Variants in LINGO2 observed in about 807,000 individuals in gnomAD.
LINGO2 encodes the protein leucine rich repeat and Ig domain containing 2.
Under a neutral mutation model 30.6 loss-of-function variants are expected in LINGO2, and 14 were observed. The observed-to-expected ratio is 0.46, with a 90% CI of 0.30 to 0.72. LINGO2 has a LOEUF of 0.72. Among genes scored for constraint, LINGO2 ranks in the 30% least tolerant of loss-of-function variants. LINGO2 has a pLI of 0.07. For synonymous variants in LINGO2, 317 were observed against 288.5 expected (o/e 1.10, Z -1.00); for missense variants, 729 against 751.7 (o/e 0.97, Z 0.35).
In LINGO2 at chr9:28,257,994, C is replaced by T. The variant is rs558137453; in HGVS notation, c.-87+37214G>A. Among the ~76,000 whole-genome samples, 4 of 151,838 alleles carry T rather than the reference C, an allele frequency of 2.6e-5. No individual in the cohort carries two copies. In the South Asian group the frequency reaches 8.3e-4, roughly 32 times the overall value. ...AAAAGCAGTCACATAGGTAAGCAAC[C>T]AAAGCAATACATATTAGAAGCTACA... is the stretch of plus-strand genomic sequence containing the variant. On this transcript the variant is annotated intron_variant, in intron 4 of 5. Transcript: ENST00000379992.
the LINGO2 span, among the ~76,000 whole-genome samples, chr9:28,859,108 C>A: frequency 6.6e-6 from 1 of 152,026 alleles, no homozygotes; most frequent in Non-Finnish European, 1.5e-5. Flanking sequence ...GATCTCTTTA[C>A]ATCTTAGTTG....
chr9:28,924,878 T>C, the LINGO2 span, among the ~76,000 whole-genome samples: 1 of 152,220 alleles, frequency 6.6e-6, no homozygotes, highest in Non-Finnish European at 1.5e-5. Context: ...TTATAGTTCT[T>C]GACTGAAAGC....
chr9:28,272,909 A>C (rs1822991626), intron 4 of LINGO2, among the ~76,000 whole-genome samples: 1 of 151,832 alleles, frequency 6.6e-6, no homozygotes, highest in South Asian at 2.1e-4. Context: ...ATAAAATCCC[A>C]CCCCTGCTTT....
At chr9:29,005,974 A>G in the LINGO2 span, among the ~76,000 whole-genome samples, 1 of 151,954 alleles carries the variant, frequency 6.6e-6, no homozygotes, top group Admixed American at 6.6e-5. Flanking sequence ...GCTGACTGTA[A>G]TCAATTTTAG....
chr9:28,368,487 C>T (rs1244852961), intron 3 of LINGO2, among the ~76,000 whole-genome samples: 1 of 151,942 alleles, frequency 6.6e-6, no homozygotes, highest in Non-Finnish European at 1.5e-5. Flanking sequence ...TATTAAGGGT[C>T]TCATTTTTTC....
the LINGO2 span, among the ~76,000 whole-genome samples, chr9:28,738,632 T>G: frequency 2.0e-5 from 3 of 152,024 alleles, no homozygotes; most frequent in African/African-American, 7.2e-5. Flanking sequence ...ATCTTACCTA[T>G]GAATACAAAA....
At chr9:29,110,292 A>C in the LINGO2 span, among the ~76,000 whole-genome samples, 1 of 152,206 alleles carries the variant, frequency 6.6e-6, no homozygotes. Context: ...TCCTGCCATA[A>C]CTAATTTCCT....
At chr9:28,806,271 A>C in the LINGO2 span, among the ~76,000 whole-genome samples, 44 of 152,226 alleles carry the variant, frequency 2.9e-4, no homozygotes, top group Admixed American at 1.4e-3. Flanking sequence ...ATCTGGCAGC[A>C]TTTAAAAATA....
intron 1 of LINGO2, among the ~76,000 whole-genome samples, chr9:28,510,089 T>G (rs961688403): frequency 6.6e-6 from 1 of 152,220 alleles, no homozygotes; most frequent in Non-Finnish European, 1.5e-5. Context: ...GATTAGGGCT[T>G]GGAAATGTGA....
the LINGO2 span, among the ~76,000 whole-genome samples, chr9:28,873,131 G>A: frequency 6.6e-6 from 1 of 151,948 alleles, no homozygotes; most frequent in African/African-American, 2.4e-5. Context: ...TCCTTTGGGA[G>A]GCCGAGGTGG....
At chr9:29,073,387 A>T in the LINGO2 span, among the ~76,000 whole-genome samples, 14 of 152,270 alleles carry the variant, frequency 9.2e-5, no homozygotes, top group East Asian at 2.3e-3. Context: ...ACTGCCTTTG[A>T]GGTGCCCTTA....
the LINGO2 span, among the ~76,000 whole-genome samples, chr9:28,893,578 CA>C: frequency 7.1e-5 from 2 of 28,024 alleles, no homozygotes; most frequent in Non-Finnish European, 2.4e-4. Flanking sequence ...CAATGGTTAT[CA>C]TTTTTTTTTT....
At chr9:29,056,029 A>G in the LINGO2 span, among the ~76,000 whole-genome samples, 1 of 150,748 alleles carries the variant, frequency 6.6e-6, no homozygotes, top group Non-Finnish European at 1.5e-5. Flanking sequence ...TGGGCATCTG[A>G]GCAGGTTCCA....
intron 1 of LINGO2, among the ~76,000 whole-genome samples, chr9:28,662,510 C>A (rs771701865): frequency 6.6e-6 from 1 of 152,112 alleles, no homozygotes; most frequent in Non-Finnish European, 1.5e-5. Flanking sequence ...TTTTATTCTG[C>A]TGTGACCACA....
intron 4 of LINGO2, among the ~76,000 whole-genome samples, chr9:28,200,410 C>T (rs1168073046): frequency 6.6e-6 from 1 of 152,000 alleles, no homozygotes; most frequent in Non-Finnish European, 1.5e-5. Flanking sequence ...CAGGCTTTAT[C>T]CAAGGTAGCA....
intron 4 of LINGO2, among the ~76,000 whole-genome samples, chr9:28,286,578 G>C (rs1442413643): frequency 1.3e-5 from 2 of 152,164 alleles, no homozygotes; most frequent in African/African-American, 4.8e-5. Flanking sequence ...ATCAATGATA[G>C]ACTGAGTAAA....
intron 1 of LINGO2, among the ~76,000 whole-genome samples, chr9:28,493,204 C>T (rs1346766558): frequency 6.6e-6 from 1 of 151,946 alleles, no homozygotes; most frequent in Non-Finnish European, 1.5e-5. Context: ...AGTGTTTCTC[C>T]TTATGAGGCT....
chr9:27,993,765 C>A (rs559657936), intron 5 of LINGO2, among the ~76,000 whole-genome samples: 2 of 151,862 alleles, frequency 1.3e-5, no homozygotes, highest in African/African-American at 4.8e-5. Flanking sequence ...TAACATTTAC[C>A]CCTAGTACCT....
chr9:29,162,820 C>A, the LINGO2 span, among the ~76,000 whole-genome samples: 1 of 151,968 alleles, frequency 6.6e-6, no homozygotes, highest in Non-Finnish European at 1.5e-5. Context: ...AAAAAATACT[C>A]CTACTATTTT....
Sources: gnomAD v4.1 joint callset for allele counts (sites outside exome capture counted in the v4.1 genomes callset) on GRCh38, gnomAD v4.1.1 for gene constraint, MANE v1.5 for transcripts, NCBI Gene and HGNC (gene_info 2026-07-23, HGNC 2026-07-21) for gene names.